Variants in FAM222B observed in about 807,000 individuals in gnomAD.
FAM222B encodes the protein family with sequence similarity 222 member B, also known as protein FAM222B.
In FAM222B, 12 loss-of-function variants were observed where a neutral mutation model predicts 38.0. That is an observed-to-expected ratio of 0.32 (90% CI 0.20 to 0.51). FAM222B has a LOEUF of 0.51. FAM222B is among the 20% of genes least tolerant of loss of function. The probability of loss-of-function intolerance (pLI) is 0.97; values close to 1 mark genes in which losing one functional copy is unlikely to be tolerated. For synonymous variants in FAM222B, 329 were observed against 317.2 expected (o/e 1.04, Z -0.40); for missense variants, 716 against 754.2 (o/e 0.95, Z 0.59).
At position 28,771,622 on chromosome 17, in the gene FAM222B, C is replaced by G. The variant is rs2151803871; in HGVS notation, c.-40-4915G>C. Among the ~76,000 whole-genome samples the G allele has an allele frequency of 1.3e-5, 2 of 152,026 alleles. 1 individual carries two copies. The highest frequency in any genetic ancestry group is 1.3e-4 in the Admixed American group (2 of 15,252). On this transcript the variant is annotated intron_variant, in intron 1 of 2. Transcript: ENST00000581407. ...CTTGAACCTGGGAGGCAGAGGTTGT[C>G]GTGAGCTGAGATTTTGCCACTGCAC... is the stretch of plus-strand genomic sequence containing the variant.
At chr17:28,797,598 C>A (rs1427894218) in intron 1 of FAM222B, among the ~76,000 whole-genome samples, 1 of 152,024 alleles carries the variant, frequency 6.6e-6, no homozygotes, top group Non-Finnish European at 1.5e-5. Context: ...GTCTATGATT[C>A]CAAATCATTT....
intron 1 of FAM222B, among the ~76,000 whole-genome samples, chr17:28,831,278 G>A (rs2038658873): frequency 6.6e-6 from 1 of 151,632 alleles, no homozygotes; most frequent in Non-Finnish European, 1.5e-5. Flanking sequence ...ACAGGCATAA[G>A]CCACCGTGCC....
chr17:28,804,287 C>T (rs909106154), intron 1 of FAM222B, among the ~76,000 whole-genome samples: 1 of 152,054 alleles, frequency 6.6e-6, no homozygotes. Context: ...AGTCCTAATC[C>T]CCTCTTATAT....
chr17:28,820,956 A>T (rs67934367), intron 1 of FAM222B, among the ~76,000 whole-genome samples: 25,183 of 144,072 alleles, frequency 0.17, 2,443 homozygotes, highest in South Asian at 0.28. Context: ...AACTCTTTTT[A>T]TTTTATTTTT....
chr17:28,759,366 T>C lies in FAM222B; in HGVS notation c.593A>G (p.His198Arg). 1 of 1,608,372 alleles carries C rather than the reference T, an allele frequency of 6.2e-7. No homozygotes were observed. Among genetic ancestry groups the C allele is most frequent in the South Asian group, 1.1e-5 (1 of 90,264 alleles). Residue 198 changes from histidine (H) to arginine (R), a missense_variant, in exon 3 of 3, where the codon CAC (histidine) becomes CGC (arginine). By Grantham distance (29) the His-to-Arg change is conservative. Coordinates refer to ENST00000581407, the MANE Select transcript of FAM222B (RefSeq NM_001077498.3). This position sits in a 1 kb window ranked among gnomAD's most constrained non-coding sequence, Gnocchi z 4.8. ...CTGGGTTTGGGCCATGGGCTGAGGGTGGCCCAGGCCCTGAGGCTGCTGGAG... is the reference window on the plus strand; with the variant it reads ...CTGGGTTTGGGCCATGGGCTGAGGGCGGCCCAGGCCCTGAGGCTGCTGGAG... The part of the protein sequence containing the change: ...QSLQQPQGLG[H>R]PQPMAQTQGL...
At chr17:28,820,665 G>A (rs1029731768) in intron 1 of FAM222B, among the ~76,000 whole-genome samples, 5 of 149,702 alleles carry the variant, frequency 3.3e-5, no homozygotes, top group African/African-American at 4.9e-5. Context: ...GCGAAGTCTC[G>A]CTCTGTCACC....
intron 1 of FAM222B, among the ~76,000 whole-genome samples, chr17:28,819,373 A>G (rs1194546489): frequency 6.6e-6 from 1 of 152,226 alleles, no homozygotes; most frequent in Non-Finnish European, 1.5e-5. Context: ...ATGAGATAGT[A>G]AATCACAGAA....
upstream of FAM222B, among the ~76,000 whole-genome samples, chr17:28,843,200 G>A (rs1227290624): frequency 2.0e-5 from 3 of 150,874 alleles, no homozygotes; most frequent in Non-Finnish European, 4.4e-5. Flanking sequence ...GTGCAATGGC[G>A]TGATCTCGGC....
intron 2 of FAM222B, 103 bp downstream of exon 2, chr17:28,766,483 C>T: frequency 1.2e-6 from 1 of 860,594 alleles, no homozygotes; most frequent in Non-Finnish European, 1.8e-6. Flanking sequence ...AGAAAGGTGT[C>T]AAAATTCAAG....
intron 1 of FAM222B, among the ~76,000 whole-genome samples, chr17:28,825,365 T>C (rs1320732591): frequency 7.4e-6 from 1 of 135,754 alleles, no homozygotes; most frequent in Non-Finnish European, 1.5e-5. Context: ...AGCCCGGTGG[T>C]GGAGGTTACG....
upstream of FAM222B, among the ~76,000 whole-genome samples, chr17:28,844,494 T>C (rs540391212): frequency 5.9e-5 from 9 of 151,278 alleles, no homozygotes; most frequent in East Asian, 1.8e-3. Context: ...CCCGTCTCAC[T>C]AAAAATACAA....
chr17:28,844,848 C>A (rs1598068001), upstream of FAM222B, among the ~76,000 whole-genome samples: 1 of 152,056 alleles, frequency 6.6e-6, no homozygotes, highest in Non-Finnish European at 1.5e-5. Context: ...TGCCTGTAAA[C>A]CCAGCACTTT....
At chr17:28,820,343 C>G (rs2038165806) in intron 1 of FAM222B, among the ~76,000 whole-genome samples, 1 of 152,182 alleles carries the variant, frequency 6.6e-6, no homozygotes, top group African/African-American at 2.4e-5. Flanking sequence ...TATTTAGACT[C>G]TGGTATGGAA....
At position 28,787,524 on chromosome 17, in the gene FAM222B, G is replaced by A. The variant is rs566103249; in HGVS notation, c.-40-20817C>T. ...CTCCACATGTCCAAGGAATTAGCAG[G>A]TTTCTGAAGCTAAAGGGTCTCTGAA... On this transcript the variant is annotated intron_variant, in intron 1 of 2. Transcript: ENST00000581407. 4.6e-5 allele frequency among the ~76,000 whole-genome samples: 7 copies of A among 152,218 alleles called. No individual in the cohort carries two copies. The South Asian group carries it at 1.0e-3, about 23-fold the overall frequency.
chr17:28,795,085 CCT>C lies in FAM222B; in HGVS notation c.-40-28380_-40-28379del, dbSNP rs552072725. 2.5e-3 allele frequency among the ~76,000 whole-genome samples: 380 copies of C among 150,972 alleles called. 9 individuals carry two copies. Among genetic ancestry groups the C allele is most frequent in the Admixed American group, 0.023 (353 of 15,158 alleles). On this transcript the variant is annotated intron_variant, in intron 1 of 2. Coordinates refer to ENST00000581407, the MANE Select transcript of FAM222B (RefSeq NM_001077498.3). The stretch of plus-strand genomic sequence containing the variant: ...TTCAGCCTGGGCAATAGAGTGAGAC[CCT>C]GTTTCAAAAAAAAAAAAAAACCCTA...
upstream of FAM222B, among the ~76,000 whole-genome samples, chr17:28,843,830 CGCTACTA>C (rs970331971): frequency 3.3e-5 from 5 of 152,058 alleles, no homozygotes; most frequent in African/African-American, 4.8e-5. Flanking sequence ...TCCTAGAATA[CGCTACTA>C]GCTAGGAGGT....
intron 1 of FAM222B, among the ~76,000 whole-genome samples, chr17:28,776,503 C>A (rs2035906666): frequency 7.9e-6 from 1 of 126,826 alleles, no homozygotes; most frequent in African/African-American, 3.1e-5. Context: ...GTCACTCAGG[C>A]TGGAGTACAG....
upstream of FAM222B, among the ~76,000 whole-genome samples, chr17:28,847,784 G>A (rs1166170450): frequency 2.0e-5 from 3 of 151,560 alleles, no homozygotes; most frequent in South Asian, 2.1e-4. Flanking sequence ...CGCCATGGCG[G>A]GCGCCTATAG....
chr17:28,804,221 C>T (rs565668597), intron 1 of FAM222B, among the ~76,000 whole-genome samples: 3 of 152,184 alleles, frequency 2.0e-5, no homozygotes, highest in South Asian at 2.1e-4. Context: ...TCCTGGTTCT[C>T]GGGCTTGCAG....
Sources: allele counts gnomAD v4.1 joint callset (sites outside exome capture counted in the v4.1 genomes callset), GRCh38; gene constraint gnomAD v4.1.1; non-coding constraint Gnocchi (gnomAD v3.1); transcripts MANE v1.5; gene names NCBI Gene and HGNC (gene_info 2026-07-23, HGNC 2026-07-21).